Variants in IL15 observed in about 807,000 individuals in gnomAD.
The protein encoded by IL15 is interleukin-15.
A neutral mutation model predicts 19.6 loss-of-function variants in IL15; 11 were observed. That is an observed-to-expected ratio of 0.56 (90% CI 0.35 to 0.93). The LOEUF is 0.93. Ranked by LOEUF, IL15 falls within the 40% of genes least tolerant of loss-of-function variation. The probability of loss-of-function intolerance (pLI) is 0.01; values close to 1 mark genes in which losing one functional copy is unlikely to be tolerated. For synonymous variants in IL15, 58 were observed against 59.6 expected (o/e 0.97, Z 0.12); for missense variants, 197 against 186.5 (o/e 1.06, Z -0.33).
chr4:141,664,908 CTTTA>C (rs943817341), intron 2 of IL15, among the ~76,000 whole-genome samples: 1 of 151,856 alleles, frequency 6.6e-6, no homozygotes, highest in Non-Finnish European at 1.5e-5. Flanking sequence ...TTTGCAATTC[CTTTA>C]TTTAAGGTGA....
chr4:141,699,006 A>G (rs375521575), intron 2 of IL15, among the ~76,000 whole-genome samples: 2 of 152,174 alleles, frequency 1.3e-5, no homozygotes, highest in East Asian at 3.8e-4. Context: ...GCTGTATCCC[A>G]GAGGTTTTGA....
chr4:141,640,153 T>C (rs1298587768), intron 1 of IL15, among the ~76,000 whole-genome samples: 4 of 152,190 alleles, frequency 2.6e-5, no homozygotes, highest in Non-Finnish European at 1.5e-5. Context: ...GGACAAATTA[T>C]TGTTATTAAC....
rs1370227738 is a variant in IL15, at chr4:141,679,542, TTC to T, written c.-100+23239_-100+23240del. On this transcript the variant is annotated intron_variant, in intron 2 of 7. Coordinates refer to ENST00000320650, the MANE Select transcript of IL15 (RefSeq NM_000585.5). The stretch of plus-strand genomic sequence containing the variant: ...TGTGATCTCAAAGGTGTTCCTTTTA[TTC>T]TCTTTCTTTTATTTAACCAGAAATA... Among the ~76,000 whole-genome samples the T allele has an allele frequency of 2.0e-5, 3 of 152,252 alleles. No individual in the cohort carries two copies. The East Asian group carries it at 5.8e-4, about 29-fold the overall frequency.
chr4:141,710,337 C>G (rs1729674704), intron 2 of IL15, among the ~76,000 whole-genome samples: 1 of 152,166 alleles, frequency 6.6e-6, no homozygotes, highest in African/African-American at 2.4e-5. Context: ...AACTTTTATC[C>G]ATGTGCATTA....
intron 2 of IL15, among the ~76,000 whole-genome samples, chr4:141,659,225 C>T (rs569856982): frequency 1.5e-4 from 22 of 148,130 alleles, no homozygotes; most frequent in South Asian, 6.4e-4. Flanking sequence ...TTTTTGGAGA[C>T]GGAGTCTTGC....
chr4:141,731,613 A>G (rs1730455498), intron 7 of IL15, among the ~76,000 whole-genome samples: 1 of 152,200 alleles, frequency 6.6e-6, no homozygotes, highest in Non-Finnish European at 1.5e-5. Flanking sequence ...AGGACTGCAC[A>G]GTCAGAAGAC....
At chr4:141,659,534 C>T (rs927330409) in intron 2 of IL15, among the ~76,000 whole-genome samples, 4 of 152,064 alleles carry the variant, frequency 2.6e-5, no homozygotes, top group Non-Finnish European at 5.9e-5. Context: ...TTAGGTATTG[C>T]TACCATTGAG....
At chr4:141,657,996 C>A (rs1727663906) in intron 2 of IL15, among the ~76,000 whole-genome samples, 1 of 152,146 alleles carries the variant, frequency 6.6e-6, no homozygotes, top group South Asian at 2.1e-4. Context: ...ACCAGCATCA[C>A]CATAAATTGA....
At position 141,719,455 on chromosome 4, in the gene IL15, G is replaced by A. The variant is rs779188841; in HGVS notation, c.-10G>A. On this transcript the variant is annotated 5_prime_UTR_variant, in exon 3 of 8. It introduces an in-frame stop codon into an upstream open reading frame of the 5' UTR. Coordinates refer to ENST00000320650, the MANE Select transcript of IL15 (RefSeq NM_000585.5). ...CTTCAATACTTAAGGATTTACCGTG[G>A]CTTTGAGTAATGAGAATTTCGGTAA... 1 of 926,976 alleles carries A rather than the reference G, an allele frequency of 1.1e-6. No homozygotes were observed. Among genetic ancestry groups the A allele is most frequent in the East Asian group, 2.4e-5 (1 of 41,008 alleles). 57.4% of individuals were successfully genotyped at this position (926,976 alleles called of 1,614,324 possible).
intron 2 of IL15, among the ~76,000 whole-genome samples, chr4:141,712,033 T>C (rs1215497792): frequency 6.6e-6 from 1 of 152,146 alleles, no homozygotes. Context: ...TTATCCCTTT[T>C]ATGCCCTGTC....
chr4:141,681,979 T>A (rs537686422), intron 2 of IL15, among the ~76,000 whole-genome samples: 17 of 152,212 alleles, frequency 1.1e-4, no homozygotes, highest in African/African-American at 2.9e-4. Context: ...ATAGCTCAGG[T>A]TGAAGTAATT....
intron 2 of IL15, among the ~76,000 whole-genome samples, chr4:141,707,928 A>G (rs750252379): frequency 6.9e-4 from 105 of 152,324 alleles, no homozygotes; most frequent in Non-Finnish European, 1.4e-3. Context: ...CAGCCACCAA[A>G]CTAGATGAGC....
intron 2 of IL15, among the ~76,000 whole-genome samples, chr4:141,712,755 CT>C (rs1423886923): frequency 6.6e-6 from 1 of 151,060 alleles, no homozygotes; most frequent in African/African-American, 2.4e-5. Context: ...CCAAATCTTA[CT>C]GCTACCTCTG....
intron 1 of IL15, among the ~76,000 whole-genome samples, chr4:141,651,595 G>A (rs970567102): frequency 6.6e-5 from 10 of 152,022 alleles, no homozygotes; most frequent in African/African-American, 2.4e-4. Flanking sequence ...TTAAATGAAT[G>A]TTGTGGTCCC....
At chr4:141,732,482 A>C (rs1730481932) in intron 7 of IL15, among the ~76,000 whole-genome samples, 1 of 152,242 alleles carries the variant, frequency 6.6e-6, no homozygotes, top group African/African-American at 2.4e-5. Flanking sequence ...GAAGGGCTCA[A>C]AGCAGGAACT....
chr4:141,697,980 A>C (rs903718083), intron 2 of IL15, among the ~76,000 whole-genome samples: 12 of 152,166 alleles, frequency 7.9e-5, no homozygotes, highest in Middle Eastern at 3.4e-3. Flanking sequence ...GGTTTGTCAT[A>C]TATAGCTTTT....
chr4:141,730,075 G>T (rs1047508137), intron 7 of IL15, 91 bp downstream of exon 7: 1 of 1,000,154 alleles, frequency 1.0e-6, no homozygotes, highest in African/African-American at 1.6e-5. Context: ...CCTCCTAAGG[G>T]GCAATCAGGA....
intron 2 of IL15, among the ~76,000 whole-genome samples, chr4:141,670,985 A>G (rs1451211605): frequency 1.3e-5 from 2 of 152,210 alleles, no homozygotes; most frequent in African/African-American, 2.4e-5. Context: ...AGTTGTGTAT[A>G]TATCACAGTT....
intron 5 of IL15, among the ~76,000 whole-genome samples, chr4:141,725,672 A>G (rs1730234361): frequency 1.3e-5 from 2 of 152,154 alleles, no homozygotes; most frequent in South Asian, 4.1e-4. Context: ...GGTACAAAAC[A>G]TGTTCAAAAA....
Sources: gnomAD v4.1 joint callset for allele counts (sites outside exome capture counted in the v4.1 genomes callset) on GRCh38, gnomAD v4.1.1 for gene constraint, MANE v1.5 for transcripts, NCBI Gene and HGNC (gene_info 2026-07-23, HGNC 2026-07-21) for gene names.